MZT2A: variants seen among roughly 807,000 people sequenced by gnomAD.
The protein encoded by MZT2A is mitotic spindle organizing protein 2A.
MZT2A carries 8 observed loss-of-function variants against 12.4 expected under a neutral mutation model. The ratio of observed to expected loss-of-function variants is 0.64; its 90% CI spans 0.38 to 1.16. The LOEUF (loss-of-function observed/expected upper bound fraction) is 1.16, where lower values mean the gene tolerates loss of function less well. Among genes scored for constraint, MZT2A ranks in the 50% most tolerant of loss-of-function variants. The probability of loss-of-function intolerance (pLI) is 0.01; values close to 1 mark genes in which losing one functional copy is unlikely to be tolerated. For synonymous variants in MZT2A, 88 were observed against 107.5 expected (o/e 0.82, Z 1.12); for missense variants, 181 against 223.6 (o/e 0.81, Z 1.22).
rs1432077787 is a variant in MZT2A, at chr2:131,491,923, T to G, written c.272A>C (p.Asp91Ala). The G allele has an allele frequency of 6.5e-7, 1 of 1,533,252 alleles. No individual in the cohort carries two copies. The highest frequency in any genetic ancestry group is 2.0e-5 in the Admixed American group (1 of 50,700). The allele number at this position is 1,533,252 out of a possible 1,614,324, so 95.0% of individuals were successfully genotyped here. Residue 91 changes from aspartate to alanine, a missense_variant, in exon 2 of 3, where the codon GAC becomes GCC. Asp to Ala is a moderately radical substitution (Grantham distance 126). Transcript: ENST00000309451. Reference sequence around the variant, plus strand: ...CGTGGGCAGAGACACGGCCGCAGGGTCCTGGGGCTCGCTCGCTAGCCTCTG... The same window carrying G: ...CGTGGGCAGAGACACGGCCGCAGGGGCCTGGGGCTCGCTCGCTAGCCTCTG... ...AGQRLASEPQ[D>A]PAAVSLPTSS...
chr2:131,475,871 G>T (rs1242733461), intron 2 of MZT2A, among the ~76,000 whole-genome samples: 1 of 152,180 alleles, frequency 6.6e-6, no homozygotes, highest in Non-Finnish European at 1.5e-5. Context: ...GACCCACAGA[G>T]GCAGCGCAGT....
chr2:131,491,253 G>A (rs1299903087), intron 2 of MZT2A: 4 of 366,794 alleles, frequency 1.1e-5, no homozygotes, highest in African/African-American at 8.4e-5. Context: ...TGGAGAGGGA[G>A]GAGGCCCTTC....
chr2:131,470,793 CCAGCACTTT>C (rs1248057931), intron 3 of MZT2A, among the ~76,000 whole-genome samples: 2 of 148,186 alleles, frequency 1.3e-5, no homozygotes, highest in Non-Finnish European at 2.9e-5. Flanking sequence ...GCCTGTCATC[CCAGCACTTT>C]GGGAGGCTGA....
chr2:131,483,860 G>A (rs1678940706), downstream of MZT2A: 2 of 1,194,516 alleles, frequency 1.7e-6, no homozygotes, highest in Non-Finnish European at 1.1e-6. Context: ...CATGGTGAAG[G>A]GACCTGGTTA....
At chr2:131,490,928 G>C in intron 2 of MZT2A, 1 of 1,549,668 alleles carries the variant, frequency 6.5e-7, no homozygotes, top group Non-Finnish European at 8.7e-7. Flanking sequence ...AGAGCAGACA[G>C]AGCGAGGGTC....
At chr2:131,473,728 AG>A (rs112291743) in intron 2 of MZT2A, among the ~76,000 whole-genome samples, 5,354 of 123,152 alleles carry the variant, frequency 0.043, 427 homozygotes, top group African/African-American at 0.14. Context: ...AGTGAGAACC[AG>A]TGTCAAAAAA....
At chr2:131,478,636 T>C in intron 2 of MZT2A, 1 of 709,212 alleles carries the variant, frequency 1.4e-6, no homozygotes, top group South Asian at 2.1e-5. Context: ...GTGAAGAGAT[T>C]CCCTCGTGCG....
chr2:131,490,314 T>A, intron 2 of MZT2A: 1 of 1,030,876 alleles, frequency 9.7e-7, no homozygotes, highest in Non-Finnish European at 1.2e-6. Flanking sequence ...GAGTCTCTGT[T>A]TCAGCCTCCA....
upstream of MZT2A, chr2:131,492,784 G>GGA: frequency 7.4e-7 from 1 of 1,352,776 alleles, no homozygotes; most frequent in African/African-American, 1.5e-5. Flanking sequence ...CGCTCTTCGG[G>GGA]GGGGGTGGGG....
chr2:131,473,804 C>T (rs866658495), intron 2 of MZT2A, among the ~76,000 whole-genome samples: 1 of 147,224 alleles, frequency 6.8e-6, no homozygotes, highest in Non-Finnish European at 1.5e-5. Context: ...TATTGGGTCC[C>T]GACTCTGCTC....
At chr2:131,478,914 G>A (rs1427449978) in intron 2 of MZT2A, 6 of 214,966 alleles carry the variant, frequency 2.8e-5, no homozygotes, top group African/African-American at 1.4e-4. Context: ...GTCATCCAGG[G>A]TGCCCTGATG....
At chr2:131,480,847 T>A (rs547755344), downstream of MZT2A, 1 of 1,505,514 alleles carries the variant, frequency 6.6e-7, no homozygotes, top group Non-Finnish European at 9.0e-7. Context: ...TTATCCCTGT[T>A]CCATGGGCTA....
chr2:131,474,686 A>T (rs1678595133), intron 2 of MZT2A, among the ~76,000 whole-genome samples: 1 of 151,642 alleles, frequency 6.6e-6, no homozygotes, highest in Admixed American at 6.6e-5. Flanking sequence ...CTGGGATTAC[A>T]GGTGTGAGCC....
chr2:131,485,420 T>C (rs1181874387), intron 2 of MZT2A, among the ~76,000 whole-genome samples: 1 of 152,120 alleles, frequency 6.6e-6, no homozygotes, highest in Non-Finnish European at 1.5e-5. Context: ...CCCAGCCAAA[T>C]TCCTTGCACC....
chr2:131,492,841 G>C (rs942968875), upstream of MZT2A: 152 of 1,475,576 alleles, frequency 1.0e-4, no homozygotes, highest in African/African-American at 2.0e-3. Context: ...TTCCTTGCTA[G>C]GGAGAAAGTG....
rs572687135 is a variant in MZT2A at position 131,490,699 on chromosome 2, C to G, written c.319+1177G>C. 147 of 1,549,610 alleles carry G rather than the reference C, an allele frequency of 9.5e-5. 1 individual carries two copies. In the South Asian group the frequency reaches 1.7e-3, roughly 18 times the overall value. On this transcript the variant is annotated intron_variant, in intron 2 of 2. Coordinates refer to ENST00000309451, the MANE Select transcript of MZT2A (RefSeq NM_001085365.2). ...AAGAGCACCAACCCCCAGAGATAAG[C>G]CAATAAACGCAACCTGCAAAAGGAG...
At chr2:131,482,970 A>C (rs985641013), downstream of MZT2A, 1 of 1,489,414 alleles carries the variant, frequency 6.7e-7, no homozygotes, top group African/African-American at 1.4e-5. Context: ...CTCTGCCTAC[A>C]GGAGCCGGTG....
intron 2 of MZT2A, among the ~76,000 whole-genome samples, chr2:131,475,938 C>T (rs1201127552): frequency 7.0e-6 from 1 of 143,500 alleles, no homozygotes; most frequent in African/African-American, 3.0e-5. Context: ...ACCGCGCAGC[C>T]TTTGATGACC....
intron 2 of MZT2A, among the ~76,000 whole-genome samples, chr2:131,487,793 G>T (rs1397519914): frequency 6.6e-6 from 1 of 152,166 alleles, no homozygotes; most frequent in African/African-American, 2.4e-5. Context: ...TTGAGACAGG[G>T]TCTCACTCTC....
Sources: gnomAD v4.1 joint callset for allele counts (sites outside exome capture counted in the v4.1 genomes callset) on GRCh38, gnomAD v4.1.1 for gene constraint, MANE v1.5 for transcripts, NCBI Gene and HGNC (gene_info 2026-07-23, HGNC 2026-07-21) for gene names.